The following CTNNA2 variants were observed in gnomAD, a reference collection of about 807,000 sequenced individuals.
CTNNA2 encodes the protein catenin alpha-2.
Under a neutral mutation model 101.0 loss-of-function variants are expected in CTNNA2, and 42 were observed. The observed-to-expected ratio is 0.42, with a 90% confidence interval of 0.32 to 0.54. CTNNA2 has a LOEUF of 0.54. CTNNA2 is among the 20% of genes least tolerant of loss of function. The probability of loss-of-function intolerance (pLI) is 0.14; values close to 1 mark genes in which losing one functional copy is unlikely to be tolerated. For missense variants in CTNNA2, 871 were observed against 1,223.1 expected, an observed-to-expected ratio of 0.71 and a Z score of 4.29; for synonymous variants, 450 against 456.4, an observed-to-expected ratio of 0.99 and a Z score of 0.18.
intron 3 of CTNNA2, among the ~76,000 whole-genome samples, chr2:79,774,320 A>T (rs74761862): frequency 0.2 from 30,390 of 152,158 alleles, 3,341 homozygotes; most frequent in South Asian, 0.41. Flanking sequence ...TGGCCATTTG[A>T]ACCTTCTAGC....
chr2:79,667,484 G>C (rs980707632), intron 2 of CTNNA2, among the ~76,000 whole-genome samples: 4 of 152,090 alleles, frequency 2.6e-5, no homozygotes, highest in African/African-American at 7.2e-5. Flanking sequence ...TTGAATAAAT[G>C]GTCCTCCAGT....
At chr2:79,678,686 G>A (rs1263836505) in intron 2 of CTNNA2, among the ~76,000 whole-genome samples, 1 of 151,984 alleles carries the variant, frequency 6.6e-6, no homozygotes, top group Non-Finnish European at 1.5e-5. Context: ...TGTCTGACTG[G>A]GCCTATATTA....
chr2:79,232,097 G>A (rs1490698847), intron 2 of CTNNA2, among the ~76,000 whole-genome samples: 1 of 152,044 alleles, frequency 6.6e-6, no homozygotes, highest in Non-Finnish European at 1.5e-5. Flanking sequence ...GTACTGTGTT[G>A]AATAGGAGTA....
chr2:79,726,943 C>G (rs1686882027), intron 2 of CTNNA2, among the ~76,000 whole-genome samples: 1 of 152,176 alleles, frequency 6.6e-6, no homozygotes, highest in South Asian at 2.1e-4. Context: ...TTTAAATAGT[C>G]TAATTAGGCA....
intron 7 of CTNNA2, among the ~76,000 whole-genome samples, chr2:80,290,419 A>G (rs1335527922): frequency 6.6e-6 from 1 of 152,092 alleles, no homozygotes; most frequent in African/African-American, 2.4e-5. Flanking sequence ...TGGGTAAGAA[A>G]AAAAACAGCA....
At chr2:79,652,791 C>A (rs1681352553) in intron 2 of CTNNA2, among the ~76,000 whole-genome samples, 1 of 152,118 alleles carries the variant, frequency 6.6e-6, no homozygotes, top group Non-Finnish European at 1.5e-5. Context: ...GATTCAGATC[C>A]TTCCTTTATG....
intron 7 of CTNNA2, among the ~76,000 whole-genome samples, chr2:80,077,689 T>A (rs541854929): frequency 9.3e-4 from 142 of 152,138 alleles, no homozygotes; most frequent in African/African-American, 3.2e-3. Flanking sequence ...AACAAGCCAG[T>A]CTCAAAAGAA....
rs114712527 is a variant in CTNNA2 at position 79,702,131 on chromosome 2, G to A, written c.103-42256G>A. Among the ~76,000 whole-genome samples the A allele has an allele frequency of 3.0e-3, 460 of 151,962 alleles. 3 individuals carry two copies. The highest frequency in any genetic ancestry group is 0.011 in the African/African-American group (440 of 41,356). ...TCAAAGTCTTTCATTCTGTGGAATC[G>A]GAGATGATGACTGAGTGAGTCGGGG... On this transcript the variant is annotated intron_variant, in intron 2 of 18. Transcript: ENST00000402739.
chr2:79,192,338 A>G lies in CTNNA2; in HGVS notation c.-523-5621A>G, dbSNP rs141613717. ...ACTCTTACAGCTTAGGCTCAGCTTC[A>G]GTGTTCAACACAAAGTAGCCCTGGA... On this transcript the variant is annotated intron_variant, in intron 1 of 21. Coordinates refer to the CTNNA2 transcript ENST00000466387. Among the ~76,000 whole-genome samples the G allele has an allele frequency of 6.3e-3, 964 of 152,290 alleles. 9 individuals carry two copies. The highest frequency in any genetic ancestry group is 0.022 in the African/African-American group (910 of 41,548).
intron 18 of CTNNA2, among the ~76,000 whole-genome samples, chr2:80,642,320 T>TTCATTTAGCATCTC (rs1382299326): frequency 1.3e-5 from 2 of 152,138 alleles, no homozygotes; most frequent in African/African-American, 4.8e-5. Flanking sequence ...ATTCCTTTTG[T>TTCATTTAGCATCTC]TCATTTAGCA....
At chr2:79,919,118 C>A (rs947816479) in intron 7 of CTNNA2, among the ~76,000 whole-genome samples, 1 of 152,048 alleles carries the variant, frequency 6.6e-6, no homozygotes, top group Non-Finnish European at 1.5e-5. Context: ...ATGCCACAAG[C>A]CTGGACAAAT....
chr2:80,291,976 CTT>C (rs1426888209), intron 7 of CTNNA2, among the ~76,000 whole-genome samples: 1 of 152,170 alleles, frequency 6.6e-6, no homozygotes, highest in Non-Finnish European at 1.5e-5. Flanking sequence ...CATGTGTAGT[CTT>C]TGCAACTCCA....
In CTNNA2 at chr2:79,536,574, A is replaced by AGTATGTGTGTGT. The variant is rs34403615; in HGVS notation, c.-6+23369_-6+23370insATGTGTGTGTGT. 6.1e-3 allele frequency among the ~76,000 whole-genome samples: 892 copies of AGTATGTGTGTGT among 146,796 alleles called. 8 individuals carry two copies. The highest frequency in any genetic ancestry group is 0.014 in the Middle Eastern group (4 of 282). On this transcript the variant is annotated intron_variant, in intron 1 of 18. Coordinates refer to ENST00000402739, the MANE Select transcript of CTNNA2 (RefSeq NM_001282597.3). ...ATATACACCTAAATATCTCTAAAGA[A>AGTATGTGTGTGT]GTGTGTGTGTGTGTGTGTGTGTGTG...
intron 4 of CTNNA2, among the ~76,000 whole-genome samples, chr2:79,429,043 T>A (rs1001188344): frequency 1.3e-5 from 2 of 152,160 alleles, no homozygotes; most frequent in Non-Finnish European, 2.9e-5. Context: ...CACCTCATTG[T>A]TGCAGGCTAC....
chr2:80,436,906 A>C (rs1161945659), intron 9 of CTNNA2, among the ~76,000 whole-genome samples: 1 of 152,140 alleles, frequency 6.6e-6, no homozygotes, highest in African/African-American at 2.4e-5. Context: ...GGAGAGAAAA[A>C]CAGTCAGACA....
intron 4 of CTNNA2, among the ~76,000 whole-genome samples, chr2:79,500,489 C>A (rs895888594): frequency 6.6e-6 from 1 of 152,164 alleles, no homozygotes; most frequent in African/African-American, 2.4e-5. Flanking sequence ...ATTGAAATTA[C>A]ACAGAATAAT....
At chr2:79,423,240 A>G (rs1390326695) in intron 4 of CTNNA2, among the ~76,000 whole-genome samples, 1 of 152,176 alleles carries the variant, frequency 6.6e-6, no homozygotes, top group African/African-American at 2.4e-5. Flanking sequence ...ACTCTGGTCA[A>G]TAGCACCAGA....
chr2:79,371,403 G>C (rs1177824382), intron 3 of CTNNA2, among the ~76,000 whole-genome samples: 1 of 152,050 alleles, frequency 6.6e-6, no homozygotes, highest in Non-Finnish European at 1.5e-5. Flanking sequence ...GCAGCAGACA[G>C]AGGGAAAAGA....
chr2:79,324,733 TAC>T (rs748850942), intron 3 of CTNNA2, among the ~76,000 whole-genome samples: 8 of 119,242 alleles, frequency 6.7e-5, no homozygotes, highest in East Asian at 5.1e-4. Context: ...CACTACACAC[TAC>T]ACACACACAC....
Sources: allele counts gnomAD v4.1 joint callset (sites outside exome capture counted in the v4.1 genomes callset), GRCh38; gene constraint gnomAD v4.1.1; transcripts MANE v1.5; gene names NCBI Gene and HGNC (gene_info 2026-07-23, HGNC 2026-07-21).